Variants in HDAC4 observed in about 807,000 individuals in gnomAD.
HDAC4 encodes histone deacetylase 4.
HDAC4 carries 16 observed loss-of-function variants against 135.1 expected under a neutral mutation model. The observed-to-expected ratio is 0.12, with a 90% CI of 0.08 to 0.18. The LOEUF is 0.18. Ranked by LOEUF, HDAC4 falls within the 10% of genes least tolerant of loss-of-function variation. HDAC4 has a pLI of 1.00. For synonymous variants in HDAC4, 685 were observed against 653.4 expected, an observed-to-expected ratio of 1.05 and a Z score of -0.74; for missense variants, 1,143 against 1,511.8, an observed-to-expected ratio of 0.76 and a Z score of 4.05.
At chr2:239,228,033 A>T (rs1375718028) in intron 3 of HDAC4, among the ~76,000 whole-genome samples, 1 of 152,168 alleles carries the variant, frequency 6.6e-6, no homozygotes, top group East Asian at 1.9e-4. Context: ...ACATTGCCAC[A>T]AAGGGATGGG....
intron 7 of HDAC4, among the ~76,000 whole-genome samples, chr2:239,145,213 C>A (rs114023203): frequency 2.0e-5 from 3 of 152,338 alleles, no homozygotes; most frequent in Admixed American, 1.3e-4. Flanking sequence ...CCACGTTGCA[C>A]ACTTTCTTGC....
chr2:239,052,941 G>A lies in HDAC4; in HGVS notation c.*156C>T, dbSNP rs144962868. ...TGCGTCTCGAGACCTGTGGGCCTGGGCGGCAGAAAGGCTTCCCGTGGCTGT... is the reference window on the plus strand; with the variant it reads ...TGCGTCTCGAGACCTGTGGGCCTGGACGGCAGAAAGGCTTCCCGTGGCTGT... On this transcript the variant is annotated 3_prime_UTR_variant, in exon 27 of 27. Transcript: ENST00000543185. 3.1e-3 allele frequency: 2,542 copies of A among 829,740 alleles called. 5 individuals are homozygous for A. Among genetic ancestry groups the A allele is most frequent in the Non-Finnish European group, 4.7e-3 (2,262 of 484,414 alleles). 51.4% of individuals were successfully genotyped at this position (829,740 alleles called of 1,614,324 possible).
intron 5 of HDAC4, among the ~76,000 whole-genome samples, chr2:239,170,634 T>C (rs2152988560): frequency 6.6e-6 from 1 of 152,324 alleles, no homozygotes; most frequent in South Asian, 2.1e-4. Context: ...TCAAGAATTT[T>C]TATTCAGGTA....
At chr2:239,134,195 AG>A in intron 11 of HDAC4, 49 bp downstream of exon 11, 1 of 1,486,740 alleles carries the variant, frequency 6.7e-7, no homozygotes, top group Non-Finnish European at 9.3e-7. Context: ...CACCATCCAG[AG>A]CGTGGGCAGC....
intron 3 of HDAC4, among the ~76,000 whole-genome samples, chr2:239,193,096 G>A (rs1009303864): frequency 1.3e-4 from 20 of 152,168 alleles, no homozygotes; most frequent in Non-Finnish European, 2.6e-4. Flanking sequence ...TATTGCCTAC[G>A]TCTCGCCTCA....
At position 239,308,396 on chromosome 2, in the gene HDAC4, A is replaced by G. The variant is rs2052712619; in HGVS notation, c.22+44282T>C. On this transcript the variant is annotated intron_variant, in intron 2 of 26. Coordinates refer to ENST00000543185, the MANE Select transcript of HDAC4 (RefSeq NM_001378414.1). This position sits in a 1 kb window ranked among gnomAD's most constrained non-coding sequence, Gnocchi z 4.2. ...GAATTCCACACTTCCATGAGGCTGT[A>G]ATCAACTTGGGAGTGAGGAGTTCCT... 6.6e-6 allele frequency among the ~76,000 whole-genome samples: 1 copy of G among 152,086 alleles called. No individual in the cohort carries two copies. Among genetic ancestry groups the G allele is most frequent in the East Asian group, 1.9e-4 (1 of 5,158 alleles).
At chr2:239,064,948 G>A (rs779865120) in intron 24 of HDAC4, among the ~76,000 whole-genome samples, 3 of 152,220 alleles carry the variant, frequency 2.0e-5, no homozygotes, top group Non-Finnish European at 4.4e-5. Context: ...AGAACAATGC[G>A]AACGATGCCT....
At chr2:239,227,717 C>T (rs887541206) in intron 3 of HDAC4, among the ~76,000 whole-genome samples, 7 of 152,156 alleles carry the variant, frequency 4.6e-5, no homozygotes, top group African/African-American at 1.7e-4. Flanking sequence ...TAGTCTCTGC[C>T]CGGTGAAATG....
rs1361307831 is a variant in HDAC4 at position 239,054,793 on chromosome 2, T to C, written c.3044A>G (p.Asn1015Ser). 1.2e-6 allele frequency: 2 copies of C among 1,613,590 alleles called. No individual in the cohort carries two copies. The highest frequency in any genetic ancestry group is 2.7e-5 in the African/African-American group (2 of 74,894). ...LPEKVLQQRPNANAVRSMEKV... is the reference protein window; with the variant it reads ...LPEKVLQQRPSANAVRSMEKV... ...CTCCATGGAACGGACAGCGTTTGCA[T>C]TGGGTCTTTGCTGTAAAACCTTTTC... The change falls in exon 25 of 27, where the codon AAT becomes AGT. Residue 1015 changes from asparagine to serine, a missense_variant. Asn to Ser is a conservative substitution (Grantham distance 46). Transcript: ENST00000543185.
At chr2:239,208,326 C>CAAAAAAAAAAAAAAAAAAA (rs759398313) in intron 3 of HDAC4, among the ~76,000 whole-genome samples, 1 of 68,210 alleles carries the variant, frequency 1.5e-5, no homozygotes, top group Admixed American at 2.0e-4. Context: ...GACTCCGTCC[C>CAAAAAAAAAAAAAAAAAAA]AAAAAAAAAA....
intron 2 of HDAC4, among the ~76,000 whole-genome samples, chr2:239,278,603 CAG>C (rs138059384): frequency 0.016 from 2,377 of 152,268 alleles, 63 homozygotes; most frequent in African/African-American, 0.054. Flanking sequence ...GCCCAGGAGA[CAG>C]AGGCTGCAGT....
chr2:239,362,362 C>T (rs1693919634), intron 1 of HDAC4, among the ~76,000 whole-genome samples: 1 of 152,226 alleles, frequency 6.6e-6, no homozygotes, highest in African/African-American at 2.4e-5. Context: ...CCTCCCGCAG[C>T]TTGGAAATTT....
chr2:239,079,852 A>T (rs962225529), intron 22 of HDAC4, among the ~76,000 whole-genome samples: 1 of 151,974 alleles, frequency 6.6e-6, no homozygotes, highest in African/African-American at 2.4e-5. Context: ...ACACACAAAG[A>T]CATGTGCATG....
At chr2:239,293,865 C>T (rs556000595) in intron 2 of HDAC4, among the ~76,000 whole-genome samples, 70 of 152,364 alleles carry the variant, frequency 4.6e-4, no homozygotes, top group African/African-American at 1.6e-3. Context: ...CAGCCTCCTT[C>T]CTCCTTACAA....
At chr2:239,231,034 C>T (rs1295153711) in intron 3 of HDAC4, among the ~76,000 whole-genome samples, 6 of 152,232 alleles carry the variant, frequency 3.9e-5, no homozygotes, top group Non-Finnish European at 7.3e-5. Context: ...GGGAATCCAA[C>T]GCTGAAGCCA....
At chr2:239,199,308 T>C (rs369183628) in intron 3 of HDAC4, among the ~76,000 whole-genome samples, 208 of 152,084 alleles carry the variant, frequency 1.4e-3, no homozygotes, top group African/African-American at 4.8e-3. Context: ...TGGGTGGCTT[T>C]TTTGTGTTGC....
chr2:239,207,059 C>T (rs745509719), intron 3 of HDAC4, among the ~76,000 whole-genome samples: 6 of 152,158 alleles, frequency 3.9e-5, no homozygotes, highest in South Asian at 2.1e-4. Context: ...CACCTGACCA[C>T]GCCCCAGGGC....
chr2:239,220,399 T>A lies in HDAC4; in HGVS notation c.94+16194A>T, dbSNP rs999486799. Among the ~76,000 whole-genome samples the A allele has an allele frequency of 8.8e-4, 133 of 151,450 alleles. 1 individual carries two copies. Among genetic ancestry groups the A allele is most frequent in the African/African-American group, 2.9e-3 (117 of 40,960 alleles). On this transcript the variant is annotated intron_variant, in intron 3 of 26. Coordinates refer to ENST00000543185, the MANE Select transcript of HDAC4 (RefSeq NM_001378414.1). The stretch of plus-strand genomic sequence containing the variant: ...CATTAGACTCAAAAAGTTAGAAAAA[T>A]AACTAGAAAATTAAAGCATACACTG...
chr2:239,215,084 G>C (rs574981398), intron 3 of HDAC4, among the ~76,000 whole-genome samples: 1 of 152,360 alleles, frequency 6.6e-6, no homozygotes, highest in South Asian at 2.1e-4. Flanking sequence ...AGATGGTGTT[G>C]TGATCTATGA....
Sources: gnomAD v4.1 joint callset for allele counts (sites outside exome capture counted in the v4.1 genomes callset) on GRCh38, gnomAD v4.1.1 for gene constraint, Gnocchi (gnomAD v3.1) non-coding constraint, MANE v1.5 for transcripts, NCBI Gene and HGNC (gene_info 2026-07-23, HGNC 2026-07-21) for gene names.